The following ADGRL2 variants were observed in gnomAD, a reference collection of about 807,000 sequenced individuals.
ADGRL2 encodes the protein adhesion G protein-coupled receptor L2.
A neutral mutation model predicts 157.4 loss-of-function variants in ADGRL2; 44 were observed. That is an observed-to-expected ratio of 0.28 (90% CI 0.22 to 0.36). The LOEUF is 0.36. Among genes scored for constraint, ADGRL2 ranks in the 10% least tolerant of loss-of-function variants. The pLI is 1.00. For synonymous variants in ADGRL2, 585 were observed against 624.7 expected, an observed-to-expected ratio of 0.94 and a Z score of 0.95; for missense variants, 1,510 against 1,768.9, an observed-to-expected ratio of 0.85 and a Z score of 2.63.
At chr1:81,537,717 T>C (rs2079778575) in intron 2 of ADGRL2, among the ~76,000 whole-genome samples, 1 of 151,596 alleles carries the variant, frequency 6.6e-6, no homozygotes, top group Admixed American at 6.6e-5. Flanking sequence ...TTTTTTTTTT[T>C]AGATGGAGTT....
chr1:81,372,024 G>T (rs571339316), intron 1 of ADGRL2, among the ~76,000 whole-genome samples: 2 of 152,278 alleles, frequency 1.3e-5, no homozygotes, highest in Admixed American at 6.5e-5. Context: ...TTAGAACACT[G>T]AGATCTCTGT....
At chr1:81,803,663 T>A (rs1439604573) in intron 1 of ADGRL2, among the ~76,000 whole-genome samples, 1 of 152,118 alleles carries the variant, frequency 6.6e-6, no homozygotes, top group African/African-American at 2.4e-5. Flanking sequence ...GCTTAGCAGC[T>A]TCTCCCAAGC....
intron 1 of ADGRL2, among the ~76,000 whole-genome samples, chr1:81,429,484 C>A (rs1388405117): frequency 2.0e-5 from 3 of 152,170 alleles, no homozygotes; most frequent in Non-Finnish European, 4.4e-5. Flanking sequence ...CTAAATCAAG[C>A]AGGCACGATT....
At chr1:81,496,197 G>A (rs763189908) in intron 2 of ADGRL2, among the ~76,000 whole-genome samples, 4 of 152,000 alleles carry the variant, frequency 2.6e-5, no homozygotes, top group East Asian at 1.9e-4. Context: ...TTTCAGTGGC[G>A]GTAGACAGAT....
chr1:81,396,317 C>T (rs866049746), intron 1 of ADGRL2, among the ~76,000 whole-genome samples: 28 of 152,252 alleles, frequency 1.8e-4, no homozygotes, highest in African/African-American at 6.7e-4. Flanking sequence ...TTGGTGTATA[C>T]AAATGCTATT....
At position 81,885,148 on chromosome 1, in the gene ADGRL2, G is replaced by A. The variant is rs1185059605; in HGVS notation, c.74-21869G>A. On this transcript the variant is annotated intron_variant, in intron 2 of 23. Transcript: ENST00000686636. Reference sequence around the variant, plus strand: ...CAATACGAATAAATAGAAGTAAGGAGGGGAAAGTGAAGGAAAACTGTTTTT... The same window carrying A: ...CAATACGAATAAATAGAAGTAAGGAAGGGAAAGTGAAGGAAAACTGTTTTT... Among the ~76,000 whole-genome samples the A allele has an allele frequency of 3.3e-5, 5 of 152,256 alleles. No homozygotes were observed. The South Asian group carries it at 1.0e-3, about 32-fold the overall frequency.
intron 1 of ADGRL2, among the ~76,000 whole-genome samples, chr1:81,705,188 A>T (rs956879793): frequency 1.6e-4 from 24 of 152,136 alleles, no homozygotes; most frequent in Admixed American, 1.3e-3. Flanking sequence ...AGTAGCTGGG[A>T]TTACAGGCAT....
In ADGRL2 at chr1:81,911,561, A is replaced by G. The variant is rs2094722139; in HGVS notation, c.287+4331A>G. 2.6e-5 allele frequency among the ~76,000 whole-genome samples: 4 copies of G among 152,170 alleles called. No individual in the cohort carries two copies. In the South Asian group the frequency reaches 8.3e-4, roughly 32 times the overall value. On this transcript the variant is annotated intron_variant, in intron 3 of 23. Transcript: ENST00000686636. ...GTTTTTTCACTCTAAAAACCTGCTC[A>G]TTGTTATCAAGGTAGTTTTGCTGCT...
chr1:81,739,359 A>G lies in ADGRL2; in HGVS notation c.-142-22452A>G, dbSNP rs184923685. 3.3e-3 allele frequency among the ~76,000 whole-genome samples: 506 copies of G among 152,334 alleles called. 3 individuals are homozygous for G. The highest frequency in any genetic ancestry group is 4.4e-3 in the Non-Finnish European group (302 of 68,032). ...TAAAAATGAGATTATACATGTATGCATCTACAACAGTACCAGCATATAGTA... is the reference window on the plus strand; with the variant it reads ...TAAAAATGAGATTATACATGTATGCGTCTACAACAGTACCAGCATATAGTA... On this transcript the variant is annotated intron_variant, in intron 1 of 20. Coordinates refer to the ADGRL2 transcript ENST00000359929.
At chr1:81,468,905 C>A (rs2078114433) in intron 2 of ADGRL2, among the ~76,000 whole-genome samples, 1 of 152,044 alleles carries the variant, frequency 6.6e-6, no homozygotes, top group African/African-American at 2.4e-5. Flanking sequence ...TGTGAGGGAG[C>A]CTCAGTGGAA....
chr1:81,460,539 T>C (rs1431673516), intron 2 of ADGRL2, among the ~76,000 whole-genome samples: 1 of 152,156 alleles, frequency 6.6e-6, no homozygotes, highest in African/African-American at 2.4e-5. Flanking sequence ...TATATTATAA[T>C]CTCTTAAAAC....
chr1:81,393,384 T>A (rs2101150227), intron 1 of ADGRL2, among the ~76,000 whole-genome samples: 1 of 150,972 alleles, frequency 6.6e-6, no homozygotes, highest in East Asian at 1.9e-4. Flanking sequence ...ATTGTACATA[T>A]GTAGAATGTC....
intron 3 of ADGRL2, among the ~76,000 whole-genome samples, chr1:81,680,752 G>C (rs1462818634): frequency 1.3e-5 from 2 of 152,118 alleles, no homozygotes; most frequent in African/African-American, 4.8e-5. Flanking sequence ...GAAGGGGCAA[G>C]TATGAAAATA....
chr1:81,393,420 A>G (rs573703268), intron 1 of ADGRL2, among the ~76,000 whole-genome samples: 230 of 151,934 alleles, frequency 1.5e-3, no homozygotes, highest in African/African-American at 5.3e-3. Context: ...GAACATTTAT[A>G]AAGTAAAACA....
chr1:81,745,372 A>G (rs2085211438), intron 1 of ADGRL2, among the ~76,000 whole-genome samples: 1 of 152,192 alleles, frequency 6.6e-6, no homozygotes, highest in Non-Finnish European at 1.5e-5. Flanking sequence ...GATAGGAAAA[A>G]CAATTATTCT....
chr1:81,939,952 C>T (rs970602412), intron 4 of ADGRL2, among the ~76,000 whole-genome samples: 13 of 151,020 alleles, frequency 8.6e-5, no homozygotes. Flanking sequence ...GTGTTACTTA[C>T]TTTTCAACAG....
At chr1:81,461,958 G>T (rs149403621) in intron 2 of ADGRL2, among the ~76,000 whole-genome samples, 1 of 148,102 alleles carries the variant, frequency 6.8e-6, no homozygotes, top group East Asian at 2.0e-4. Context: ...GAGAAAGAGA[G>T]AGACAAAGGA....
intron 1 of ADGRL2, among the ~76,000 whole-genome samples, chr1:81,431,428 TGCCGCTGAAGG>T (rs1436398686): frequency 1.3e-5 from 2 of 152,122 alleles, no homozygotes; most frequent in African/African-American, 4.8e-5. Flanking sequence ...GTAGAGAGGC[TGCCGCTGAAGG>T]GCCACAAACG....
At chr1:81,613,682 A>G (rs935735769) in intron 3 of ADGRL2, among the ~76,000 whole-genome samples, 2 of 152,214 alleles carry the variant, frequency 1.3e-5, no homozygotes, top group Admixed American at 1.3e-4. Flanking sequence ...ACTTCAGAGA[A>G]ATAGAATGAT....
Sources: allele counts gnomAD v4.1 joint callset (sites outside exome capture counted in the v4.1 genomes callset), GRCh38; gene constraint gnomAD v4.1.1; transcripts MANE v1.5; gene names NCBI Gene and HGNC (gene_info 2026-07-23, HGNC 2026-07-21).